The following PTPRR variants were observed in gnomAD, a reference collection of about 807,000 sequenced individuals.
PTPRR encodes receptor-type tyrosine-protein phosphatase R.
Under a neutral mutation model 77.2 loss-of-function variants are expected in PTPRR, and 38 were observed. The observed-to-expected ratio is 0.49, with a 90% CI of 0.38 to 0.65. The LOEUF is 0.65. PTPRR is among the 30% of genes least tolerant of loss of function. The pLI, the probability that PTPRR is intolerant of heterozygous loss-of-function variation, is 0.00. For missense variants in PTPRR, 744 were observed against 799.2 expected (o/e 0.93, Z 0.83); for synonymous variants, 299 against 283.1 (o/e 1.06, Z -0.57).
chr12:70,910,720 A>C (rs2137136027), intron 1 of PTPRR, among the ~76,000 whole-genome samples: 1 of 152,318 alleles, frequency 6.6e-6, no homozygotes, highest in South Asian at 2.1e-4. Flanking sequence ...CTGATGGGAA[A>C]TCCTGATGCT....
intron 6 of PTPRR, among the ~76,000 whole-genome samples, chr12:70,740,867 T>C (rs1890023725): frequency 1.3e-5 from 2 of 152,114 alleles, no homozygotes; most frequent in Admixed American, 1.3e-4. Flanking sequence ...CTATTAAACA[T>C]GAGCCTATTT....
chr12:70,781,965 T>C (rs946180255), intron 2 of PTPRR, among the ~76,000 whole-genome samples: 3 of 152,202 alleles, frequency 2.0e-5, no homozygotes, highest in African/African-American at 7.2e-5. Context: ...CAATACCAAC[T>C]TCATGAGTTT....
intron 5 of PTPRR, among the ~76,000 whole-genome samples, chr12:70,746,839 A>G (rs1407009432): frequency 6.6e-6 from 1 of 151,990 alleles, no homozygotes; most frequent in African/African-American, 2.4e-5. Flanking sequence ...CATATTAAAC[A>G]TTGAACTCCT....
intron 13 of PTPRR, among the ~76,000 whole-genome samples, chr12:70,646,593 A>G (rs1172537238): frequency 6.6e-6 from 1 of 152,206 alleles, no homozygotes. Context: ...AATATGTTTT[A>G]CAAAGTAGAC....
intron 1 of PTPRR, among the ~76,000 whole-genome samples, chr12:70,896,457 A>G (rs960039120): frequency 6.6e-6 from 1 of 151,698 alleles, no homozygotes; most frequent in South Asian, 2.1e-4. Flanking sequence ...TGGGGTATTC[A>G]TCTAGACAGA....
intron 2 of PTPRR, among the ~76,000 whole-genome samples, chr12:70,772,767 A>G (rs1891007023): frequency 6.6e-6 from 1 of 152,182 alleles, no homozygotes; most frequent in Non-Finnish European, 1.5e-5. Flanking sequence ...ATAGGCAACA[A>G]TTTGCTTCTG....
In PTPRR at chr12:70,754,316, C is replaced by T; in HGVS notation, c.628-15G>A. 1 of 1,612,520 alleles carries T rather than the reference C, an allele frequency of 6.2e-7. No homozygotes were observed. Among genetic ancestry groups the T allele is most frequent in the Non-Finnish European group, 8.5e-7 (1 of 1,179,516 alleles). ...AAAACATTTTTCTTTAAAAGCAAAA[C>T]AGAAAGTCCGACGTTAAATGAGAGC... On this transcript the variant is annotated splice_polypyrimidine_tract_variant and intron_variant, in intron 4 of 13. Coordinates refer to ENST00000283228, the MANE Select transcript of PTPRR (RefSeq NM_002849.4).
chr12:70,827,102 T>C (rs1196518206), intron 2 of PTPRR, among the ~76,000 whole-genome samples: 1 of 152,244 alleles, frequency 6.6e-6, no homozygotes, highest in East Asian at 1.9e-4. Context: ...CCTCCCCAGA[T>C]ACTTTCTTGG....
intron 2 of PTPRR, among the ~76,000 whole-genome samples, chr12:70,799,685 G>A (rs1221995711): frequency 2.0e-5 from 3 of 152,154 alleles, no homozygotes; most frequent in African/African-American, 4.8e-5. Flanking sequence ...CTTTGGTGAT[G>A]AGAAAAAGAA....
intron 6 of PTPRR, among the ~76,000 whole-genome samples, chr12:70,712,348 A>C (rs1467856113): frequency 2.6e-5 from 4 of 151,980 alleles, no homozygotes; most frequent in African/African-American, 9.7e-5. Flanking sequence ...GCCTAAATAT[A>C]AATTATTTAA....
At chr12:70,768,902 C>G (rs1165259678) in intron 2 of PTPRR, among the ~76,000 whole-genome samples, 3 of 151,430 alleles carry the variant, frequency 2.0e-5, no homozygotes, top group Non-Finnish European at 2.9e-5. Flanking sequence ...GAGCCAAAGA[C>G]AAAAACCACA....
chr12:70,820,208 A>T (rs951156118), intron 2 of PTPRR, among the ~76,000 whole-genome samples: 1 of 152,134 alleles, frequency 6.6e-6, no homozygotes, highest in Non-Finnish European at 1.5e-5. Flanking sequence ...ACTAGACACC[A>T]CTCTGTTCTA....
chr12:70,919,497 T>C (rs1039465905), intron 1 of PTPRR, among the ~76,000 whole-genome samples: 1 of 152,152 alleles, frequency 6.6e-6, no homozygotes, highest in Non-Finnish European at 1.5e-5. Context: ...ACACCACATA[T>C]AATATCTCTC....
At chr12:70,659,183 G>A (rs116580689) in intron 12 of PTPRR, among the ~76,000 whole-genome samples, 1,779 of 152,202 alleles carry the variant, frequency 0.012, 35 homozygotes, top group African/African-American at 0.04. Context: ...GATTGCAGGT[G>A]TGAGCTACCG....
intron 13 of PTPRR, among the ~76,000 whole-genome samples, chr12:70,651,413 C>T (rs1886389977): frequency 6.6e-6 from 1 of 152,202 alleles, no homozygotes; most frequent in South Asian, 2.1e-4. Flanking sequence ...TAGCTCTTTA[C>T]TAGCAGTATT....
rs953246198 is a variant in PTPRR at position 70,870,839 on chromosome 12, T to G, written c.357+21840A>C. Among the ~76,000 whole-genome samples, 3 of 152,210 alleles carry G rather than the reference T, an allele frequency of 2.0e-5. No homozygotes were observed. In the South Asian group the frequency reaches 6.2e-4, roughly 31 times the overall value. The stretch of plus-strand genomic sequence containing the variant: ...ATTTTGACCAAGATTTCCACAGTAT[T>G]ATTGCATTAATTAATACTGTGCAAT... On this transcript the variant is annotated intron_variant, in intron 2 of 13. Transcript: ENST00000283228.
At chr12:70,883,414 C>T (rs1453008897) in intron 2 of PTPRR, among the ~76,000 whole-genome samples, 1 of 152,136 alleles carries the variant, frequency 6.6e-6, no homozygotes, top group African/African-American at 2.4e-5. Context: ...CTCTGGTAAG[C>T]CGAATGATTA....
intron 13 of PTPRR, among the ~76,000 whole-genome samples, chr12:70,648,437 A>G (rs1886278626): frequency 6.6e-6 from 1 of 152,198 alleles, no homozygotes; most frequent in Non-Finnish European, 1.5e-5. Flanking sequence ...GAGTCCTGAC[A>G]TCCACTTAAG....
intron 2 of PTPRR, among the ~76,000 whole-genome samples, chr12:70,841,321 C>T (rs1259209905): frequency 6.6e-6 from 1 of 152,138 alleles, no homozygotes; most frequent in Non-Finnish European, 1.5e-5. Flanking sequence ...TTAAATTTAT[C>T]AGTGTAGTGT....
Sources: allele counts gnomAD v4.1 joint callset (sites outside exome capture counted in the v4.1 genomes callset), GRCh38; gene constraint gnomAD v4.1.1; transcripts MANE v1.5; gene names NCBI Gene and HGNC (gene_info 2026-07-23, HGNC 2026-07-21).